The following MDFIC variants were observed in gnomAD, a reference collection of about 807,000 sequenced individuals.
MDFIC encodes the protein MyoD family inhibitor domain containing, also known as myoD family inhibitor domain-containing protein.
In MDFIC, 17 loss-of-function variants were observed where a neutral mutation model predicts 23.2. The observed-to-expected ratio is 0.73, with a 90% CI of 0.50 to 1.10. The LOEUF (loss-of-function observed/expected upper bound fraction) is 1.10, where lower values mean the gene tolerates loss of function less well. Among genes scored for constraint, MDFIC ranks in the 50% least tolerant of loss-of-function variants. MDFIC has a pLI of 0.00. For synonymous variants in MDFIC, 120 were observed against 115.2 expected (o/e 1.04, Z -0.27); for missense variants, 356 against 316.6 (o/e 1.12, Z -0.95).
chr7:115,019,830 G>A lies in MDFIC; in HGVS notation c.*3895G>A, dbSNP rs937507413. Reference sequence around the variant, plus strand: ...GTTTGTTCCACACTTACTATTTATAGTTTTTATAATCAAGCATTGGGTATT... The same window carrying A: ...GTTTGTTCCACACTTACTATTTATAATTTTTATAATCAAGCATTGGGTATT... On this transcript the variant is annotated 3_prime_UTR_variant, in exon 5 of 5. Transcript: ENST00000393486. Among the ~76,000 whole-genome samples the A allele has an allele frequency of 3.3e-5, 5 of 152,054 alleles. No individual in the cohort carries two copies. Among genetic ancestry groups the A allele is most frequent in the Admixed American group, 6.6e-5 (1 of 15,238 alleles).
At chr7:115,015,607 T>G in intron 4 of MDFIC, 81 bp from the exon 5 acceptor site, 1 of 1,530,398 alleles carries the variant, frequency 6.5e-7, no homozygotes, top group African/African-American at 1.4e-5. Context: ...TTTGCTCAAT[T>G]CTTATTGAGT....
At position 115,016,734 on chromosome 7, in the gene MDFIC, A is replaced by G. The variant is rs1195516654; in HGVS notation, c.*799A>G. 1.3e-5 allele frequency: 2 copies of G among 153,294 alleles called. No homozygotes were observed. Among genetic ancestry groups the G allele is most frequent in the African/African-American group, 4.8e-5 (2 of 41,476 alleles). The allele number at this position is 153,294 out of a possible 1,614,324, so 9.5% of individuals were successfully genotyped here. Reference sequence around the variant, plus strand: ...AAGAAACTTTAGGAAACAAACCCACATAATAGTTGGGAACCAGTGTTGATC... The same window carrying G: ...AAGAAACTTTAGGAAACAAACCCACGTAATAGTTGGGAACCAGTGTTGATC... On this transcript the variant is annotated 3_prime_UTR_variant, in exon 5 of 5. Coordinates refer to ENST00000393486, the MANE Select transcript of MDFIC (RefSeq NM_001166345.3).
At chr7:114,957,992 AT>A (rs1276652477) in intron 3 of MDFIC, among the ~76,000 whole-genome samples, 1 of 152,242 alleles carries the variant, frequency 6.6e-6, no homozygotes, top group African/African-American at 2.4e-5. Context: ...TTACTCTTTT[AT>A]TAAAAAATGA....
chr7:115,005,876 T>C (rs1209992499), intron 4 of MDFIC, among the ~76,000 whole-genome samples: 1 of 152,216 alleles, frequency 6.6e-6, no homozygotes, highest in African/African-American at 2.4e-5. Flanking sequence ...AGAGTAACAA[T>C]GTCATCATTG....
At position 114,942,329 on chromosome 7, in the gene MDFIC, AC is replaced by A; in HGVS notation, c.150del (p.Phe51SerfsTer43). On this transcript the variant is annotated frameshift_variant, in exon 3 of 5. Transcript: ENST00000393486. LOFTEE classifies it high-confidence loss of function. ...EKDITQATNS[H>X]FTHGEMQDQS... ...GATATAACTCAAGCTACCAATAGCC[AC>A]TTCACACATGGAGAGATGCAAGACC... 6.2e-7 allele frequency: 1 copy of A among 1,601,720 alleles called. No homozygotes were observed. The highest frequency in any genetic ancestry group is 8.5e-7 in the Non-Finnish European group (1 of 1,170,376).
chr7:115,014,392 G>A (rs1393835420), intron 4 of MDFIC: 50 of 1,288,600 alleles, frequency 3.9e-5, no homozygotes, highest in Middle Eastern at 4.2e-4. Flanking sequence ...ATAGAGAAGC[G>A]CATGATTTTT....
In MDFIC at chr7:115,007,630, G is replaced by GTGTATATATATA. The variant is rs369718965; in HGVS notation, c.494-8057_494-8056insGTATATATATAT. 4.4e-4 allele frequency among the ~76,000 whole-genome samples: 58 copies of GTGTATATATATA among 132,942 alleles called. 1 individual carries two copies. The highest frequency in any genetic ancestry group is 1.8e-3 in the African/African-American group (57 of 32,552). The allele number at this position is 132,942 out of a possible 152,430, so 87.2% of individuals were successfully genotyped here. On this transcript the variant is annotated intron_variant, in intron 4 of 4. Coordinates refer to ENST00000393486, the MANE Select transcript of MDFIC (RefSeq NM_001166345.3). The stretch of plus-strand genomic sequence containing the variant: ...CTATCTATCTAGTGTGCGTGTGTGT[G>GTGTATATATATA]TATATATATATATATATATATATAT...
intron 3 of MDFIC, among the ~76,000 whole-genome samples, chr7:114,954,897 C>T (rs35835370): frequency 1.0e-3 from 152 of 152,232 alleles, no homozygotes; most frequent in Middle Eastern, 3.4e-3. Flanking sequence ...AAACTCCCTC[C>T]CTATCCTACC....
intron 3 of MDFIC, among the ~76,000 whole-genome samples, chr7:114,948,957 G>A (rs1792706699): frequency 6.6e-6 from 1 of 152,134 alleles, no homozygotes; most frequent in South Asian, 2.1e-4. Context: ...TCCAAACAAA[G>A]CTTCTTTTTG....
intron 4 of MDFIC, chr7:114,980,047 G>T: frequency 2.2e-6 from 1 of 460,378 alleles, no homozygotes; most frequent in South Asian, 2.1e-5. Flanking sequence ...TTTTTTTAAT[G>T]CCACATTTAA....
chr7:114,942,509 T>C, intron 3 of MDFIC, 112 bp downstream of exon 3: 1 of 803,450 alleles, frequency 1.2e-6, no homozygotes. Flanking sequence ...CAACAGCGTT[T>C]ATCTAAAAGT....
In MDFIC at chr7:114,923,379, A is replaced by G. The variant is rs1792130102; in HGVS notation, c.94+252A>G. ...CCTTTGGTTGCGAAGAAACAGGATG[A>G]CAGGATTGCTTCTTTCTTAAGCATA... is the stretch of plus-strand genomic sequence containing the variant. On this transcript the variant is annotated intron_variant, in intron 2 of 4. Coordinates refer to ENST00000393486, the MANE Select transcript of MDFIC (RefSeq NM_001166345.3). 2.9e-6 allele frequency: 4 copies of G among 1,394,146 alleles called. 1 individual carries two copies. Among genetic ancestry groups the G allele is most frequent in the South Asian group, 2.5e-5 (2 of 79,762 alleles). The allele number at this position is 1,394,146 out of a possible 1,614,324, so 86.4% of individuals were successfully genotyped here.
In MDFIC at chr7:114,979,602, A is replaced by T. The variant is rs1218524039; in HGVS notation, c.314A>T (p.Asn105Ile). Residue 105 changes from asparagine (N) to isoleucine (I), a missense_variant, in exon 4 of 5, where the codon AAT becomes ATT. By Grantham distance (149) the Asn-to-Ile change is moderately radical. Coordinates refer to ENST00000393486, the MANE Select transcript of MDFIC (RefSeq NM_001166345.3). ...KIKNGHTGLS[N>I]GNGIHHGAKH... ...AAGAACGGCCACACAGGTCTGAGCAATGGAAATGGAATTCACCACGGGGCC... is the reference window on the plus strand; with the variant it reads ...AAGAACGGCCACACAGGTCTGAGCATTGGAAATGGAATTCACCACGGGGCC... 6.2e-7 allele frequency: 1 copy of T among 1,614,024 alleles called. No homozygotes were observed. The highest frequency in any genetic ancestry group is 8.5e-7 in the Non-Finnish European group (1 of 1,180,006).
chr7:115,013,858 T>C (rs1025641257), intron 4 of MDFIC: 4 of 404,836 alleles, frequency 9.9e-6, no homozygotes, highest in African/African-American at 4.3e-5. Context: ...TGGGCCTTTA[T>C]TCATGTAGGT....
rs1791818569 is a variant in MDFIC at position 115,017,547 on chromosome 7, A to G, written c.*1612A>G. ...TCTAGATATCCCCTACTGTGACCAA[A>G]TTTCTGTATTACGATTTTATGTTAA... On this transcript the variant is annotated 3_prime_UTR_variant, in exon 5 of 5. Transcript: ENST00000393486. 1 of 152,184 alleles carries G rather than the reference A, an allele frequency of 6.6e-6. No homozygotes were observed. The highest frequency in any genetic ancestry group is 1.5e-5 in the Non-Finnish European group (1 of 67,848). The allele number at this position is 152,184 out of a possible 1,614,324, so 9.4% of individuals were successfully genotyped here. A position where few individuals can be genotyped will look rare whatever the true frequency, so the allele number is the denominator to read the frequency against.
At chr7:115,007,804 C>T (rs1791602020) in intron 4 of MDFIC, among the ~76,000 whole-genome samples, 1 of 148,538 alleles carries the variant, frequency 6.7e-6, no homozygotes, top group Admixed American at 6.8e-5. Flanking sequence ...CACCCCCACC[C>T]CCCGACCCCC....
chr7:114,932,355 G>A (rs1335396048), intron 2 of MDFIC, among the ~76,000 whole-genome samples: 1 of 152,140 alleles, frequency 6.6e-6, no homozygotes, highest in Non-Finnish European at 1.5e-5. Context: ...TTGGGGAGTT[G>A]TTACTAGCAG....
intron 3 of MDFIC, among the ~76,000 whole-genome samples, chr7:114,952,335 G>A (rs562485209): frequency 6.6e-6 from 1 of 152,294 alleles, no homozygotes; most frequent in African/African-American, 2.4e-5. Flanking sequence ...GCTCAGTACA[G>A]CGTGTAGGGG....
intron 4 of MDFIC, chr7:115,014,412 A>C: frequency 7.8e-7 from 1 of 1,289,448 alleles, no homozygotes; most frequent in South Asian, 1.2e-5. Flanking sequence ...TTATTATAGC[A>C]TGGCTGCCAA....
Sources: allele counts gnomAD v4.1 joint callset (sites outside exome capture counted in the v4.1 genomes callset), GRCh38; gene constraint gnomAD v4.1.1; transcripts MANE v1.5; gene names NCBI Gene and HGNC (gene_info 2026-07-23, HGNC 2026-07-21).